Variants in VILL observed in about 807,000 individuals in gnomAD.
VILL encodes villin like.
A neutral mutation model predicts 106.3 loss-of-function variants in VILL; 102 were observed. That is an observed-to-expected ratio of 0.96 (90% CI 0.82 to 1.13). VILL has a LOEUF of 1.13. Ranked by LOEUF, VILL falls within the 50% of genes most tolerant of loss-of-function variation. VILL has a pLI of 0.00. For synonymous variants in VILL, 431 were observed against 440.3 expected, an observed-to-expected ratio of 0.98 and a Z score of 0.27; for missense variants, 1,076 against 1,116.6, an observed-to-expected ratio of 0.96 and a Z score of 0.52.
intron 3 of VILL, 41 bp downstream of exon 3, chr3:37,994,013 G>A: frequency 6.2e-7 from 1 of 1,609,780 alleles, no homozygotes; most frequent in Non-Finnish European, 8.5e-7. Context: ...GGGTGGCATG[G>A]CCCGGCACTG....
At position 38,003,166 on chromosome 3, in the gene VILL, AGGGCTGTAAT is replaced by A; in HGVS notation, c.1661_1670del (p.Gly554ValfsTer117). 1.3e-5 allele frequency: 21 copies of A among 1,613,546 alleles called. No individual in the cohort carries two copies. Among genetic ancestry groups the A allele is most frequent in the Non-Finnish European group, 1.8e-5 (21 of 1,179,774 alleles). On this transcript the variant is annotated splice_acceptor_variant and coding_sequence_variant, in exon 15 of 20. Coordinates refer to ENST00000383759, the MANE Select transcript of VILL (RefSeq NM_015873.4). LOFTEE classifies it high-confidence loss of function. ...GGCCTGAGCCATCTCTTTGCCTGCT[AGGGCTGTAAT>A]GGTGATCAGCGTGAGATGGCACGGG...
At chr3:37,993,877 C>G in intron 2 of VILL, 21 bp from the exon 3 acceptor site, 1 of 1,614,104 alleles carries the variant, frequency 6.2e-7, no homozygotes, top group South Asian at 1.1e-5. Context: ...TGAGTTGTTA[C>G]AGGGAACTCT....
At chr3:38,002,621 G>A in intron 14 of VILL, 46 bp downstream of exon 14, 1 of 1,581,712 alleles carries the variant, frequency 6.3e-7, no homozygotes, top group East Asian at 2.2e-5. Context: ...ATGTAGTGGT[G>A]CCAGGCTGGG....
chr3:38,006,465 G>A lies in VILL; in HGVS notation c.2222G>A (p.Arg741Gln), dbSNP rs567759653. 2.2e-5 allele frequency: 35 copies of A among 1,603,902 alleles called. No homozygotes were observed. Among genetic ancestry groups the A allele is most frequent in the African/African-American group, 8.0e-5 (6 of 74,784 alleles). The change falls in exon 19 of 20, where the codon CGG becomes CAG. Residue 741 changes from arginine to glutamine, a missense_variant. Arg to Gln is a conservative substitution (Grantham distance 43). Coordinates refer to ENST00000383759, the MANE Select transcript of VILL (RefSeq NM_015873.4). ...SEITAEVNNLRLSRWPGNGRA... is the reference protein window; with the variant it reads ...SEITAEVNNLQLSRWPGNGRA... Reference sequence around the variant, plus strand: ...TCTGGACAGGAAGTCAACAACTTGCGGCTATCCAGATGGCCGGGCAATGGC... The same window carrying A: ...TCTGGACAGGAAGTCAACAACTTGCAGCTATCCAGATGGCCGGGCAATGGC...
chr3:38,005,772 A>G lies in VILL; in HGVS notation c.1951-20A>G. On this transcript the variant is annotated intron_variant, in intron 16 of 19. Coordinates refer to ENST00000383759, the MANE Select transcript of VILL (RefSeq NM_015873.4). ...GCAGCCCCTCCACCTGCCCAAGGCCAGGTCCCCTCTGTGGCTCAGATCTTC... is the reference window on the plus strand; with the variant it reads ...GCAGCCCCTCCACCTGCCCAAGGCCGGGTCCCCTCTGTGGCTCAGATCTTC... 4 of 1,595,540 alleles carry G rather than the reference A, an allele frequency of 2.5e-6. No individual in the cohort carries two copies.
In VILL at chr3:37,999,451, T is replaced by C. The variant is rs1188602566; in HGVS notation, c.1182+12T>C. The C allele has an allele frequency of 1.6e-5, 24 of 1,463,598 alleles. No individual in the cohort carries two copies. The East Asian group carries it at 6.3e-4, about 39-fold the overall frequency. The allele number at this position is 1,463,598 out of a possible 1,614,324, so 90.7% of individuals were successfully genotyped here. A position where few individuals can be genotyped will look rare whatever the true frequency, so the allele number is the denominator to read the frequency against. On this transcript the variant is annotated intron_variant, in intron 11 of 19. Transcript: ENST00000383759. ...CTGGGAAGGTGGAGGTGAGGGGTACTGGGTTAGCTGGGGGAAGATGGGCAC... is the reference window on the plus strand; with the variant it reads ...CTGGGAAGGTGGAGGTGAGGGGTACCGGGTTAGCTGGGGGAAGATGGGCAC...
chr3:38,001,889 AG>A, intron 13 of VILL, 29 bp downstream of exon 13: 1 of 1,613,902 alleles, frequency 6.2e-7, no homozygotes, highest in South Asian at 1.1e-5. Context: ...CTCTGGCCAC[AG>A]CCTGCCCAGT....
rs1699907854 is a variant in VILL at position 38,005,810 on chromosome 3, G to GA, written c.1971dup (p.Ala658SerfsTer4). 21 of 1,611,792 alleles carry GA rather than the reference G, an allele frequency of 1.3e-5. No individual in the cohort carries two copies. Among genetic ancestry groups the GA allele is most frequent in the Non-Finnish European group, 1.7e-5 (20 of 1,178,782 alleles). ...GGCTCAGATCTTCCTGTGGCTTGGG[G>GA]AAGCTGCAAGTGAGTGGAAGGAGGC... On this transcript the variant is annotated frameshift_variant, in exon 17 of 20. Coordinates refer to ENST00000383759, the MANE Select transcript of VILL (RefSeq NM_015873.4). LOFTEE classifies it high-confidence loss of function.
Position 37,997,419 on chromosome 3 carries a change from G to A in VILL, c.562-64G>A. 2 of 1,545,942 alleles carry A rather than the reference G, an allele frequency of 1.3e-6. No homozygotes were observed. Among genetic ancestry groups the A allele is most frequent in the Non-Finnish European group, 1.8e-6 (2 of 1,128,590 alleles). On this transcript the variant is annotated intron_variant, in intron 6 of 19. Transcript: ENST00000383759. The surrounding 1 kb of genome is among the most constrained non-coding windows in gnomAD (Gnocchi z 4.7). ...AGCCTCTGGGAGCTGAGCAGTGACAGGAGAAGTCTCTGCTGTGAGAGGGCA... is the reference window on the plus strand; with the variant it reads ...AGCCTCTGGGAGCTGAGCAGTGACAAGAGAAGTCTCTGCTGTGAGAGGGCA...
chr3:37,997,734 T>G lies in VILL; in HGVS notation c.764+49T>G. On this transcript the variant is annotated intron_variant, in intron 7 of 19. Coordinates refer to ENST00000383759, the MANE Select transcript of VILL (RefSeq NM_015873.4). The surrounding 1 kb of genome is among the most constrained non-coding windows in gnomAD (Gnocchi z 4.7). ...GGGTGGGTGGGACAGTCCAGGACTCTGTGTCCATCACTACTGCAATAACAC... is the reference window on the plus strand; with the variant it reads ...GGGTGGGTGGGACAGTCCAGGACTCGGTGTCCATCACTACTGCAATAACAC... The G allele has an allele frequency of 1.9e-6, 3 of 1,565,222 alleles. No individual in the cohort carries two copies. The highest frequency in any genetic ancestry group is 2.6e-6 in the Non-Finnish European group (3 of 1,154,248).
chr3:37,999,053 G>A lies in VILL; in HGVS notation c.1081+3G>A. The A allele has an allele frequency of 6.5e-7, 1 of 1,531,912 alleles. No homozygotes were observed. The highest frequency in any genetic ancestry group is 8.8e-7 in the Non-Finnish European group (1 of 1,135,912). 94.9% of individuals were successfully genotyped at this position (1,531,912 alleles called of 1,614,324 possible). Reference sequence around the variant, plus strand: ...GAACCAGAAGCTCGGCGGGAGGGGTGAGCGGGCGGGGCGGGGCTGACGGGG... The same window carrying A: ...GAACCAGAAGCTCGGCGGGAGGGGTAAGCGGGCGGGGCGGGGCTGACGGGG... On this transcript the variant is annotated splice_donor_region_variant and intron_variant, in intron 10 of 19. Transcript: ENST00000383759.
intron 14 of VILL, 34 bp from the exon 15 acceptor site, chr3:38,003,134 C>T: frequency 6.2e-7 from 1 of 1,608,648 alleles, no homozygotes; most frequent in East Asian, 2.2e-5. Context: ...GGCCCCTCCT[C>T]ATGCAGGGCC....
intron 16 of VILL, among the ~76,000 whole-genome samples, chr3:38,004,890 C>G (rs373465261): frequency 6.6e-6 from 1 of 152,298 alleles, no homozygotes; most frequent in Middle Eastern, 3.4e-3. Flanking sequence ...GAAAATGTGT[C>G]TGTGAGCAAG....
At chr3:38,002,829 A>G (rs1246203931) in intron 14 of VILL, 6 of 553,296 alleles carry the variant, frequency 1.1e-5, no homozygotes, top group Non-Finnish European at 1.9e-5. Flanking sequence ...AGCACAGGGC[A>G]TGTCCCTTCC....
Position 37,993,878 on chromosome 3 carries a change from A to T in VILL, c.61-20A>T, listed in dbSNP as rs189490528. On this transcript the variant is annotated intron_variant, in intron 2 of 19. Transcript: ENST00000383759. ...GGGTAGAGGCCTCCTGAGTTGTTAC[A>T]GGGAACTCTCCTCTCCCAGAACCGG... is the stretch of plus-strand genomic sequence containing the variant. The T allele has an allele frequency of 1.2e-4, 196 of 1,614,072 alleles. No individual in the cohort carries two copies. In the African/African-American group the frequency reaches 2.5e-3, roughly 21 times the overall value.
intron 17 of VILL, 67 bp downstream of exon 17, chr3:38,006,041 T>C: frequency 6.3e-7 from 1 of 1,590,428 alleles, no homozygotes; most frequent in Non-Finnish European, 8.6e-7. Context: ...CCTGGGCCAA[T>C]GGAATGAGGA....
intron 13 of VILL, 106 bp downstream of exon 13, chr3:38,001,966 A>G: frequency 6.5e-7 from 1 of 1,533,762 alleles, no homozygotes; most frequent in Non-Finnish European, 8.8e-7. Context: ...GGGCCTGCTT[A>G]TCATCCCCTA....
At chr3:37,989,619 C>T (rs1482421169), upstream of VILL, among the ~76,000 whole-genome samples, 3 of 152,006 alleles carry the variant, frequency 2.0e-5, no homozygotes, top group East Asian at 1.9e-4. Flanking sequence ...GGGGAAGAGT[C>T]GGTGGGAAGA....
chr3:37,989,825 C>T (rs1016435870), upstream of VILL, among the ~76,000 whole-genome samples: 11 of 152,184 alleles, frequency 7.2e-5, 1 homozygote, highest in Admixed American at 2.6e-4. Flanking sequence ...AGCCAAATGC[C>T]TGTGACACAG....
Sources: gnomAD v4.1 joint callset for allele counts (sites outside exome capture counted in the v4.1 genomes callset) on GRCh38, gnomAD v4.1.1 for gene constraint, Gnocchi (gnomAD v3.1) non-coding constraint, MANE v1.5 for transcripts, NCBI Gene and HGNC (gene_info 2026-07-23, HGNC 2026-07-21) for gene names.